The following NUP214 variants were observed in gnomAD, a reference collection of about 807,000 sequenced individuals.
NUP214 encodes nucleoporin 214, also known as nuclear pore complex protein Nup214.
NUP214 carries 79 observed loss-of-function variants against 196.2 expected under a neutral mutation model. That is an observed-to-expected ratio of 0.40 (90% CI 0.34 to 0.49). The LOEUF is 0.49. NUP214 is among the 20% of genes least tolerant of loss of function. NUP214 has a pLI of 0.58. For synonymous variants in NUP214, 1,020 were observed against 990.5 expected, an observed-to-expected ratio of 1.03 and a Z score of -0.56; for missense variants, 2,468 against 2,539.0, an observed-to-expected ratio of 0.97 and a Z score of 0.60.
chr9:131,157,344 A>G (rs963427606), intron 17 of NUP214, among the ~76,000 whole-genome samples: 4 of 151,210 alleles, frequency 2.6e-5, no homozygotes, highest in Non-Finnish European at 5.9e-5. Context: ...AAATTTTTGT[A>G]GAGATGGGGC....
intron 30 of NUP214, 57 bp from the exon 31 acceptor site, chr9:131,215,155 T>C (rs1028733089): frequency 2.1e-6 from 3 of 1,411,956 alleles, no homozygotes; most frequent in Non-Finnish European, 2.8e-6. Context: ...GGATGCAGCC[T>C]GCCATTTCAC....
At chr9:131,159,578 C>A in intron 18 of NUP214, 92 bp downstream of exon 18, 1 of 1,126,150 alleles carries the variant, frequency 8.9e-7, no homozygotes, top group Non-Finnish European at 1.3e-6. Context: ...AAATCCCAGG[C>A]CGGGTGCGGT....
intron 13 of NUP214, among the ~76,000 whole-genome samples, chr9:131,147,197 AG>A (rs2133501500): frequency 6.6e-6 from 1 of 152,224 alleles, no homozygotes; most frequent in South Asian, 2.1e-4. Flanking sequence ...CATGTTGCTC[AG>A]GCTGGTCTCA....
chr9:131,229,421 G>A (rs1834809543), intron 33 of NUP214: 1 of 262,632 alleles, frequency 3.8e-6, no homozygotes, highest in African/African-American at 2.4e-5. Flanking sequence ...AATGGATGCT[G>A]TTCTCTGCAG....
At chr9:131,175,147 A>G (rs1168967496) in intron 22 of NUP214, among the ~76,000 whole-genome samples, 2 of 152,212 alleles carry the variant, frequency 1.3e-5, no homozygotes, top group African/African-American at 4.8e-5. Context: ...CCAGCAGAGA[A>G]AAATACCAGT....
chr9:131,139,763 A>G (rs948420338), intron 10 of NUP214, among the ~76,000 whole-genome samples: 5 of 152,174 alleles, frequency 3.3e-5, no homozygotes, highest in South Asian at 4.1e-4. Flanking sequence ...CAAAGAAGCA[A>G]TACCCGAATC....
intron 30 of NUP214, among the ~76,000 whole-genome samples, chr9:131,212,394 C>T (rs1834270446): frequency 1.3e-5 from 2 of 152,196 alleles, no homozygotes; most frequent in African/African-American, 4.8e-5. Flanking sequence ...CCTATTCATA[C>T]AACCCTCCCC....
intron 17 of NUP214, among the ~76,000 whole-genome samples, chr9:131,152,449 T>G (rs938394060): frequency 1.4e-4 from 22 of 152,090 alleles, no homozygotes; most frequent in African/African-American, 5.3e-4. Context: ...TAGAGAATAC[T>G]CTGTTGAAAC....
At chr9:131,200,258 C>T (rs1833903439) in intron 29 of NUP214, among the ~76,000 whole-genome samples, 1 of 152,228 alleles carries the variant, frequency 6.6e-6, no homozygotes, top group Non-Finnish European at 1.5e-5. Flanking sequence ...CTTGTCTAAG[C>T]TCACCTACCC....
At chr9:131,195,842 A>G (rs1250809062) in intron 28 of NUP214, among the ~76,000 whole-genome samples, 1 of 152,134 alleles carries the variant, frequency 6.6e-6, no homozygotes, top group Non-Finnish European at 1.5e-5. Flanking sequence ...CCTGACCAAC[A>G]TGGAGAAACC....
At chr9:131,186,652 T>C (rs1833456924) in intron 24 of NUP214, among the ~76,000 whole-genome samples, 1 of 152,260 alleles carries the variant, frequency 6.6e-6, no homozygotes, top group Admixed American at 6.5e-5. Flanking sequence ...ACACTAGTTA[T>C]TGAAATAACA....
intron 12 of NUP214, 135 bp downstream of exon 12, chr9:131,144,889 A>G: frequency 1.5e-6 from 1 of 667,296 alleles, no homozygotes; most frequent in Non-Finnish European, 2.5e-6. Flanking sequence ...TGCAAATGGC[A>G]AAAATTCAAC....
chr9:131,215,536 G>T (rs895227053), intron 31 of NUP214, among the ~76,000 whole-genome samples, 168 bp downstream of exon 31: 6 of 151,860 alleles, frequency 4.0e-5, no homozygotes, highest in Non-Finnish European at 8.8e-5. Flanking sequence ...TTTATTTTTG[G>T]TTTTTTAATG....
chr9:131,129,353 G>A lies in NUP214; in HGVS notation c.468G>A (p.Lys156=). The A allele has an allele frequency of 1.2e-6, 2 of 1,614,208 alleles. No homozygotes were observed. The highest frequency in any genetic ancestry group is 2.2e-5 in the South Asian group (2 of 91,088). ...KDAGGMVIDM[K]WNPTVPSMVA... is the part of the protein sequence containing the mutation. ...CAGGAGGCATGGTGATTGATATGAA[G>A]TGGAACCCCACTGTCCCCTCCATGG... The change falls in exon 4 of 36, where the codon AAG becomes AAA. Residue 156 remains lysine, a synonymous_variant. Transcript: ENST00000359428.
rs749565559 is a variant in NUP214, at chr9:131,150,400, T to C, written c.2117T>C (p.Ile706Thr). The C allele has an allele frequency of 1.4e-5, 22 of 1,614,096 alleles. No homozygotes were observed. Among genetic ancestry groups the C allele is most frequent in the Middle Eastern group, 3.3e-4 (2 of 6,062 alleles). Residue 706 changes from isoleucine (I) to threonine (T), a missense_variant, in exon 15 of 36, where the codon ATT becomes ACT. Ile to Thr is a moderately conservative substitution (Grantham distance 89). Around this residue, in one of 5 missense-constraint regions of NUP214, gnomAD observed 1,801 missense variants for 1,779.4 expected, o/e 1.01. Transcript: ENST00000359428. Reference sequence around the variant, plus strand: ...GATTCAGATCCTGTAATGGCTGGAATTGGGGAGGAGGTAAATTTGTTTCCT... The same window carrying C: ...GATTCAGATCCTGTAATGGCTGGAACTGGGGAGGAGGTAAATTTGTTTCCT... ...WKDSDPVMAG[I>T]GEEIAHFQKE... is the part of the protein sequence containing the mutation.
chr9:131,199,033 C>G lies in NUP214; in HGVS notation c.5521+18C>G, dbSNP rs1202058504. ...AGCTTCAGGTAAGAATTTGTGGAAG[C>G]TTTTTACTTGTTTCCCTCTCTGCTA... is the stretch of plus-strand genomic sequence containing the variant. On this transcript the variant is annotated intron_variant, in intron 29 of 35. Transcript: ENST00000359428. 2.6e-6 allele frequency: 4 copies of G among 1,561,570 alleles called. No individual in the cohort carries two copies. The highest frequency in any genetic ancestry group is 1.4e-5 in the African/African-American group (1 of 72,676).
intron 9 of NUP214, 94 bp from the exon 10 acceptor site, chr9:131,139,187 A>C (rs1831830567): frequency 7.8e-7 from 1 of 1,287,762 alleles, no homozygotes; most frequent in South Asian, 2.0e-5. Context: ...CTCCTATTTG[A>C]ACAATGTTAG....
chr9:131,224,771 C>A (rs1486476470), intron 32 of NUP214, among the ~76,000 whole-genome samples: 2 of 152,180 alleles, frequency 1.3e-5, no homozygotes, highest in Non-Finnish European at 2.9e-5. Flanking sequence ...TTTTGCTACA[C>A]ACACAGTGCA....
chr9:131,158,016 C>T (rs907851578), intron 17 of NUP214, among the ~76,000 whole-genome samples: 1 of 152,110 alleles, frequency 6.6e-6, no homozygotes, highest in Non-Finnish European at 1.5e-5. Context: ...CTCCTGACCT[C>T]GAGTAATACA....
Sources: allele counts gnomAD v4.1 joint callset (sites outside exome capture counted in the v4.1 genomes callset), GRCh38; gene constraint gnomAD v4.1.1; regional missense constraint gnomAD v4.1.1; transcripts MANE v1.5; gene names NCBI Gene and HGNC (gene_info 2026-07-23, HGNC 2026-07-21).